Variants in DIP2C observed in about 807,000 individuals in gnomAD.
DIP2C encodes the protein DIP2 acetate--CoA ligase C (putative).
DIP2C carries 33 observed loss-of-function variants against 192.4 expected under a neutral mutation model. The ratio of observed to expected loss-of-function variants is 0.17; its 90% CI spans 0.13 to 0.23. The LOEUF (loss-of-function observed/expected upper bound fraction) is 0.23, where lower values mean the gene tolerates loss of function less well. Ranked by LOEUF, DIP2C falls within the 10% of genes least tolerant of loss-of-function variation. The pLI, the probability that DIP2C is intolerant of heterozygous loss-of-function variation, is 1.00. For missense variants in DIP2C, 1,537 were observed against 2,110.1 expected (o/e 0.73, Z 5.32); for synonymous variants, 979 against 864.1 (o/e 1.13, Z -2.33).
intron 31 of DIP2C, among the ~76,000 whole-genome samples, chr10:317,703 G>A (rs1308200043): frequency 2.6e-5 from 4 of 152,146 alleles, no homozygotes; most frequent in Non-Finnish European, 5.9e-5. Context: ...GATCTCCTGG[G>A]TCCCTAAGAC....
intron 32 of DIP2C, among the ~76,000 whole-genome samples, chr10:294,479 T>C (rs1955650175): frequency 6.6e-6 from 1 of 151,938 alleles, no homozygotes; most frequent in Non-Finnish European, 1.5e-5. Flanking sequence ...TGGTGGTGTG[T>C]ACCCGCAGTC....
intron 10 of DIP2C, among the ~76,000 whole-genome samples, chr10:392,899 C>T (rs1026985570): frequency 6.6e-6 from 1 of 151,274 alleles, no homozygotes; most frequent in South Asian, 2.1e-4. Context: ...TGCCCACACA[C>T]AGGCGCGCAC....
chr10:393,445 G>C (rs950986746), intron 10 of DIP2C, among the ~76,000 whole-genome samples: 7 of 152,124 alleles, frequency 4.6e-5, no homozygotes, highest in African/African-American at 1.7e-4. Context: ...TCCATGAAAA[G>C]GTGCTCCACA....
intron 1 of DIP2C, among the ~76,000 whole-genome samples, chr10:610,550 G>GA (rs1260065554): frequency 6.6e-6 from 1 of 152,240 alleles, no homozygotes; most frequent in East Asian, 1.9e-4. Flanking sequence ...CATGCACCCT[G>GA]AAAATATGTA....
chr10:414,758 A>G (rs1235245946), intron 7 of DIP2C, among the ~76,000 whole-genome samples: 77 of 35,424 alleles, frequency 2.2e-3, no homozygotes, highest in South Asian at 5.0e-3. Context: ...TATATATATA[A>G]TGTGTATATA....
In DIP2C at chr10:390,379, A is replaced by T; in HGVS notation, c.1385-6T>A. 6.2e-7 allele frequency: 1 copy of T among 1,613,130 alleles called. No homozygotes were observed. The highest frequency in any genetic ancestry group is 2.2e-5 in the East Asian group (1 of 44,866). On this transcript the variant is annotated splice_region_variant and splice_polypyrimidine_tract_variant and intron_variant, in intron 11 of 36. Transcript: ENST00000280886. The stretch of plus-strand genomic sequence containing the variant: ...CCACAGCAGCTTTGGCCAACCTTGG[A>T]AATAAACAACAAGTTCCTTTTAAAT...
chr10:565,559 G>C (rs1849421880), intron 1 of DIP2C, among the ~76,000 whole-genome samples: 1 of 152,094 alleles, frequency 6.6e-6, no homozygotes, highest in East Asian at 1.9e-4. Flanking sequence ...ATTTTCCACA[G>C]ACTACTAACC....
intron 33 of DIP2C, among the ~76,000 whole-genome samples, chr10:287,887 C>CA (rs1955234666): frequency 1.3e-5 from 2 of 152,168 alleles, no homozygotes; most frequent in Admixed American, 1.3e-4. Context: ...ATTGATATCT[C>CA]AATAGTTCCC....
intron 6 of DIP2C, among the ~76,000 whole-genome samples, chr10:417,652 C>CTGCCTG (rs1564684545): frequency 6.1e-4 from 8 of 13,134 alleles, no homozygotes; most frequent in Non-Finnish European, 1.7e-3. Flanking sequence ...GCCTCCCTGT[C>CTGCCTG]CACCTGTTCC....
intron 8 of DIP2C, among the ~76,000 whole-genome samples, chr10:412,720 G>C (rs543691823): frequency 6.6e-6 from 1 of 152,148 alleles, no homozygotes; most frequent in Non-Finnish European, 1.5e-5. Flanking sequence ...GTTCAACATA[G>C]CATCTGGCTT....
chr10:689,033 C>G lies in DIP2C; in HGVS notation c.85+461G>C, dbSNP rs1463996683. On this transcript the variant is annotated intron_variant, in intron 1 of 36. Coordinates refer to ENST00000280886, the MANE Select transcript of DIP2C (RefSeq NM_014974.3). The surrounding 1 kb of genome is among the most constrained non-coding windows in gnomAD (Gnocchi z 6.1). ...CCGCCAGCGAGGAGGTGGCGCGCAC[C>G]GCGCTGCTGCACCAAGGACGCCGCG... 6.6e-6 allele frequency among the ~76,000 whole-genome samples: 1 copy of G among 152,138 alleles called. No homozygotes were observed.
chr10:275,886 C>G lies in DIP2C; in HGVS notation c.*1439G>C, dbSNP rs562324783. ...GCTTCAGCCGGAGCTCTGGCATGAA[C>G]CCCCGGGGAACTGTGCTCACTGAGC... On this transcript the variant is annotated 3_prime_UTR_variant, in exon 37 of 37. Transcript: ENST00000280886. The G allele has an allele frequency of 1.3e-5, 2 of 152,318 alleles. No individual in the cohort carries two copies. The highest frequency in any genetic ancestry group is 6.5e-5 in the Admixed American group (1 of 15,296). The allele number at this position is 152,318 out of a possible 1,614,324, so 9.4% of individuals were successfully genotyped here. A position where few individuals can be genotyped will look rare whatever the true frequency, so the allele number is the denominator to read the frequency against.
At chr10:458,022 G>A (rs980848128) in intron 3 of DIP2C, among the ~76,000 whole-genome samples, 4 of 152,078 alleles carry the variant, frequency 2.6e-5, no homozygotes, top group South Asian at 2.1e-4. Context: ...CCAGCCACCC[G>A]CCCGAAAGTG....
intron 1 of DIP2C, chr10:662,266 C>A: frequency 1.6e-6 from 1 of 613,852 alleles, no homozygotes; most frequent in South Asian, 1.9e-5. Flanking sequence ...TATGAGGTAC[C>A]TATGCACTTT....
In DIP2C at chr10:651,307, C is replaced by T. The variant is rs1277173965; in HGVS notation, c.85+38187G>A. On this transcript the variant is annotated intron_variant, in intron 1 of 36. Transcript: ENST00000280886. This position sits in a 1 kb window ranked among gnomAD's most constrained non-coding sequence, Gnocchi z 4.1. The stretch of plus-strand genomic sequence containing the variant: ...GTGGACTCCTTACAAGCAGAGCCAC[C>T]AACGTGGACACGATCCCATCAGGAA... The T allele has an allele frequency of 1.4e-6, 1 of 708,222 alleles. No individual in the cohort carries two copies. Among genetic ancestry groups the T allele is most frequent in the Non-Finnish European group, 2.6e-6 (1 of 385,052 alleles). 43.9% of individuals were successfully genotyped at this position (708,222 alleles called of 1,614,324 possible).
chr10:332,708 C>T (rs547355209), intron 29 of DIP2C, among the ~76,000 whole-genome samples: 2 of 152,274 alleles, frequency 1.3e-5, no homozygotes, highest in African/African-American at 4.8e-5. Flanking sequence ...AATACACATT[C>T]GCACATTAGC....
At chr10:304,573 A>T (rs916565720) in intron 32 of DIP2C, among the ~76,000 whole-genome samples, 21 of 123,530 alleles carry the variant, frequency 1.7e-4, no homozygotes, top group African/African-American at 3.6e-4. Context: ...ACACACACAC[A>T]CTTCCACATA....
chr10:659,853 C>T (rs528688352), intron 1 of DIP2C, among the ~76,000 whole-genome samples: 1 of 152,326 alleles, frequency 6.6e-6, no homozygotes, highest in Non-Finnish European at 1.5e-5. Context: ...TGAGATAATT[C>T]CTTCCCTTCC....
chr10:581,289 C>T (rs1850640554), intron 1 of DIP2C, among the ~76,000 whole-genome samples: 1 of 152,278 alleles, frequency 6.6e-6, no homozygotes, highest in East Asian at 1.9e-4. Flanking sequence ...TTAATACATC[C>T]ACACCCAACT....
Sources: allele counts gnomAD v4.1 joint callset (sites outside exome capture counted in the v4.1 genomes callset), GRCh38; gene constraint gnomAD v4.1.1; non-coding constraint Gnocchi (gnomAD v3.1); transcripts MANE v1.5; gene names NCBI Gene and HGNC (gene_info 2026-07-23, HGNC 2026-07-21).